SENP7: variants seen among roughly 807,000 people sequenced by gnomAD.
SENP7 encodes sentrin-specific protease 7.
SENP7 carries 64 observed loss-of-function variants against 141.2 expected under a neutral mutation model. The observed-to-expected ratio is 0.45, with a 90% CI of 0.37 to 0.56. SENP7 has a LOEUF of 0.56. Ranked by LOEUF, SENP7 falls within the 20% of genes least tolerant of loss-of-function variation. The probability of loss-of-function intolerance (pLI) is 0.00; values close to 1 mark genes in which losing one functional copy is unlikely to be tolerated. For synonymous variants in SENP7, 382 were observed against 426.4 expected (o/e 0.90, Z 1.28); for missense variants, 1,025 against 1,212.2 (o/e 0.85, Z 2.29).
chr3:101,385,032 A>C (rs1017004061), intron 6 of SENP7, among the ~76,000 whole-genome samples: 1 of 152,234 alleles, frequency 6.6e-6, no homozygotes, highest in Non-Finnish European at 1.5e-5. Flanking sequence ...AAACAATTAT[A>C]TATTTTTGCC....
chr3:101,436,467 T>G (rs893640019), intron 4 of SENP7, among the ~76,000 whole-genome samples: 3 of 151,966 alleles, frequency 2.0e-5, no homozygotes, highest in Admixed American at 1.3e-4. Context: ...AAGGATACAA[T>G]CAACAAAGTG....
chr3:101,482,984 C>T (rs1436885780), intron 3 of SENP7, among the ~76,000 whole-genome samples: 2 of 152,188 alleles, frequency 1.3e-5, no homozygotes, highest in African/African-American at 4.8e-5. Context: ...AAAGGGAATG[C>T]TTATCCACTG....
At chr3:101,348,883 A>G (rs966962502) in intron 12 of SENP7, among the ~76,000 whole-genome samples, 2 of 152,150 alleles carry the variant, frequency 1.3e-5, no homozygotes, top group African/African-American at 4.8e-5. Context: ...TGGAATACAA[A>G]TATCAGTCAA....
rs111471738 is a variant in SENP7, at chr3:101,357,061, C to A, written c.1623+4654G>T. Among the ~76,000 whole-genome samples, 4 of 151,892 alleles carry A rather than the reference C, an allele frequency of 2.6e-5. No homozygotes were observed. The Middle Eastern group carries it at 0.01, about 387-fold the overall frequency. On this transcript the variant is annotated intron_variant, in intron 11 of 23. Transcript: ENST00000394095. Reference sequence around the variant, plus strand: ...TGTCACCCAGGCTGGAGTGCAATGGCGCAATCTCGGCTCACTGCAACCTCC... The same window carrying A: ...TGTCACCCAGGCTGGAGTGCAATGGAGCAATCTCGGCTCACTGCAACCTCC...
At chr3:101,494,660 A>G (rs1394101576) in intron 2 of SENP7, among the ~76,000 whole-genome samples, 3 of 152,190 alleles carry the variant, frequency 2.0e-5, no homozygotes, top group Non-Finnish European at 4.4e-5. Flanking sequence ...CAACTATCTG[A>G]TCTTCGACAA....
chr3:101,470,683 T>C (rs1275800303), intron 3 of SENP7, among the ~76,000 whole-genome samples: 1 of 152,136 alleles, frequency 6.6e-6, no homozygotes, highest in African/African-American at 2.4e-5. Flanking sequence ...ATAAAGAGTA[T>C]TCAATTAGGA....
At chr3:101,489,152 G>A (rs1480622412) in intron 3 of SENP7, among the ~76,000 whole-genome samples, 1 of 152,090 alleles carries the variant, frequency 6.6e-6, no homozygotes, top group African/African-American at 2.4e-5. Context: ...ACAAGAAAGA[G>A]GTCCTTAAGG....
intron 4 of SENP7, among the ~76,000 whole-genome samples, chr3:101,453,644 C>G (rs1379602771): frequency 1.3e-5 from 2 of 151,926 alleles, no homozygotes; most frequent in Non-Finnish European, 2.9e-5. Context: ...CATGTTCTCA[C>G]TCATAGGTGG....
chr3:101,507,233 T>C (rs1553761171), intron 1 of SENP7, among the ~76,000 whole-genome samples: 1 of 152,180 alleles, frequency 6.6e-6, no homozygotes, highest in Non-Finnish European at 1.5e-5. Flanking sequence ...AAATGAAAGT[T>C]ATTCATCAGG....
chr3:101,422,289 A>G (rs1266038593), intron 4 of SENP7, among the ~76,000 whole-genome samples: 1 of 152,186 alleles, frequency 6.6e-6, no homozygotes, highest in East Asian at 1.9e-4. Context: ...ATTGGCTTCC[A>G]TGAAACCAGT....
intron 10 of SENP7, 82 bp from the exon 11 acceptor site, chr3:101,361,943 T>C (rs1315102089): frequency 1.4e-6 from 2 of 1,396,052 alleles, no homozygotes; most frequent in East Asian, 2.6e-5. Context: ...ATCAAATTCT[T>C]CTTTAAATTA....
intron 3 of SENP7, among the ~76,000 whole-genome samples, chr3:101,490,531 A>T (rs908950544): frequency 1.6e-4 from 25 of 152,150 alleles, no homozygotes; most frequent in Non-Finnish European, 2.9e-5. Flanking sequence ...TGAGTCACAT[A>T]AAAAAGAAAA....
At chr3:101,502,357 C>G (rs2065418300) in intron 1 of SENP7, among the ~76,000 whole-genome samples, 1 of 152,196 alleles carries the variant, frequency 6.6e-6, no homozygotes, top group African/African-American at 2.4e-5. Context: ...GGCTGGAGTG[C>G]AATGGCACAA....
At chr3:101,449,276 A>T (rs2063023412) in intron 4 of SENP7, among the ~76,000 whole-genome samples, 1 of 152,234 alleles carries the variant, frequency 6.6e-6, no homozygotes, top group Admixed American at 6.5e-5. Flanking sequence ...GAGAGAATGG[A>T]ACCAAGTTGG....
chr3:101,400,317 G>A lies in SENP7; in HGVS notation c.483-1262C>T, dbSNP rs894776040. Among the ~76,000 whole-genome samples the A allele has an allele frequency of 3.9e-5, 6 of 152,188 alleles. No homozygotes were observed. In the East Asian group the frequency reaches 1.2e-3, roughly 29 times the overall value. Reference sequence around the variant, plus strand: ...GAAACAATATATAGAAAGAGCCAGAGTACGAGCATACCTCATTTTATTGTG... The same window carrying A: ...GAAACAATATATAGAAAGAGCCAGAATACGAGCATACCTCATTTTATTGTG... On this transcript the variant is annotated intron_variant, in intron 5 of 23. Transcript: ENST00000394095.
intron 13 of SENP7, among the ~76,000 whole-genome samples, chr3:101,347,099 G>A (rs2059482730): frequency 6.6e-6 from 1 of 152,010 alleles, no homozygotes; most frequent in African/African-American, 2.4e-5. Context: ...CTGCACCCCT[G>A]TAGTCCCAGC....
At chr3:101,379,369 A>G (rs2060430408) in intron 6 of SENP7, among the ~76,000 whole-genome samples, 1 of 152,184 alleles carries the variant, frequency 6.6e-6, no homozygotes, top group African/African-American at 2.4e-5. Context: ...CAACTAAAGA[A>G]ACAGATTACG....
chr3:101,464,972 A>G (rs2063711792), intron 3 of SENP7, among the ~76,000 whole-genome samples: 3 of 152,232 alleles, frequency 2.0e-5, no homozygotes, highest in African/African-American at 7.2e-5. Context: ...ATGAAAATAC[A>G]TTATAACAAA....
chr3:101,344,250 ATAAT>A (rs1178471409), intron 13 of SENP7, among the ~76,000 whole-genome samples: 1 of 152,196 alleles, frequency 6.6e-6, no homozygotes, highest in African/African-American at 2.4e-5. Context: ...GTATGAATGA[ATAAT>A]TAATAATTAT....
Sources: allele counts gnomAD v4.1 joint callset (sites outside exome capture counted in the v4.1 genomes callset), GRCh38; gene constraint gnomAD v4.1.1; transcripts MANE v1.5; gene names NCBI Gene and HGNC (gene_info 2026-07-23, HGNC 2026-07-21).